Variants in IDH3A observed in about 807,000 individuals in gnomAD.
IDH3A encodes isocitrate dehydrogenase (NAD(+)) 3 catalytic subunit alpha.
Under a neutral mutation model 43.3 loss-of-function variants are expected in IDH3A, and 23 were observed. The ratio of observed to expected loss-of-function variants is 0.53; its 90% CI spans 0.38 to 0.75. IDH3A has a LOEUF of 0.75. Ranked by LOEUF, IDH3A falls within the 30% of genes least tolerant of loss-of-function variation. The pLI is 0.00. For missense variants in IDH3A, 329 were observed against 474.4 expected (o/e 0.69, Z 2.85); for synonymous variants, 154 against 163.5 (o/e 0.94, Z 0.44).
rs2074635716 is a variant in IDH3A, at chr15:78,157,642, T to C, written c.174+11T>C. ...TTTGATGCTGCCAAAGTAAGTGGGCTTAAAAAATACATTTAATGATGACTC... is the reference window on the plus strand; with the variant it reads ...TTTGATGCTGCCAAAGTAAGTGGGCCTAAAAAATACATTTAATGATGACTC... On this transcript the variant is annotated intron_variant, in intron 3 of 10. Transcript: ENST00000299518. 1 of 1,592,196 alleles carries C rather than the reference T, an allele frequency of 6.3e-7. No individual in the cohort carries two copies. Among genetic ancestry groups the C allele is most frequent in the South Asian group, 1.1e-5 (1 of 89,492 alleles).
chr15:78,171,706 T>G lies in IDH3A; in HGVS notation c.*2701T>G. 1.8e-6 allele frequency: 1 copy of G among 566,358 alleles called. No homozygotes were observed. The highest frequency in any genetic ancestry group is 3.2e-6 in the Non-Finnish European group (1 of 314,446). 35.1% of individuals were successfully genotyped at this position (566,358 alleles called of 1,614,324 possible). A position where few individuals can be genotyped will look rare whatever the true frequency, so the allele number is the denominator to read the frequency against. ...GCTCCTGGTATTCATATGGCTTGTG[T>G]GTAGTCTCCTGTGTTATACCACTGG... On this transcript the variant is annotated 3_prime_UTR_variant, in exon 11 of 11. Transcript: ENST00000299518.
At chr15:78,163,450 G>T in intron 6 of IDH3A, 57 bp from the exon 7 acceptor site, 1 of 1,239,402 alleles carries the variant, frequency 8.1e-7, no homozygotes, top group Non-Finnish European at 1.2e-6. Flanking sequence ...TCTTTGATTT[G>T]ATTCTTTTCT....
chr15:78,149,387 A>G lies in IDH3A; in HGVS notation c.-17A>G, dbSNP rs1038203874. ...ACTGCCGCTGCGGCTGTTGCTGCGG[A>G]GCCAGGAGGGGAAGCGATGGCTGGG... On this transcript the variant is annotated 5_prime_UTR_variant, in exon 1 of 11. Coordinates refer to ENST00000299518, the MANE Select transcript of IDH3A (RefSeq NM_005530.3). The G allele has an allele frequency of 6.5e-7, 1 of 1,539,936 alleles. No individual in the cohort carries two copies. The highest frequency in any genetic ancestry group is 8.7e-7 in the Non-Finnish European group (1 of 1,150,480).
intron 10 of IDH3A, 41 bp downstream of exon 10, chr15:78,166,343 T>G: frequency 6.3e-7 from 1 of 1,595,514 alleles, no homozygotes; most frequent in Non-Finnish European, 8.6e-7. Flanking sequence ...GTAAAATGCA[T>G]TGCTTCCATG....
At chr15:78,158,448 CATAT>C (rs1555429599) in intron 3 of IDH3A, among the ~76,000 whole-genome samples, 4 of 28,238 alleles carry the variant, frequency 1.4e-4, no homozygotes, top group Non-Finnish European at 1.8e-4. Context: ...TACATACATA[CATAT>C]ATATATATAT....
intron 8 of IDH3A, 141 bp from the exon 9 acceptor site, chr15:78,164,851 A>G: frequency 1.5e-6 from 1 of 650,600 alleles, no homozygotes; most frequent in Non-Finnish European, 2.7e-6. Flanking sequence ...TATTTTCCTA[A>G]CCTTTGCCCT....
At chr15:78,166,534 T>C (rs1489296348) in intron 10 of IDH3A, 3 of 526,030 alleles carry the variant, frequency 5.7e-6, no homozygotes, top group African/African-American at 3.8e-5. Flanking sequence ...GCAGCACTGA[T>C]GTATAGACAT....
rs372950002 is a variant in IDH3A at position 78,166,275 on chromosome 15, G to A, written c.990G>A (p.Ala330=). The change falls in exon 10 of 11, where the codon GCG becomes GCA. Residue 330 remains alanine (A), a synonymous_variant. Coordinates refer to ENST00000299518, the MANE Select transcript of IDH3A (RefSeq NM_005530.3). The part of the protein sequence containing the change: ...LFDHAARIEA[A]CFATIKDGKS... ...ACCATGCTGCAAGAATTGAGGCTGC[G>A]TGTTTTGCTACAATTAAGGACGGAA... 216 of 1,614,200 alleles carry A rather than the reference G, an allele frequency of 1.3e-4. 1 individual carries two copies. In the South Asian group the frequency reaches 2.2e-3, roughly 17 times the overall value.
rs1304446460 is a variant in IDH3A, at chr15:78,159,693, T to C, written c.175-399T>C. On this transcript the variant is annotated intron_variant, in intron 3 of 10. Coordinates refer to ENST00000299518, the MANE Select transcript of IDH3A (RefSeq NM_005530.3). Reference sequence around the variant, plus strand: ...ACCTTTACTGTTTTTAGCAGTCACATCCAAAGTTGAAAAAGGGCTGGGCCC... The same window carrying C: ...ACCTTTACTGTTTTTAGCAGTCACACCCAAAGTTGAAAAAGGGCTGGGCCC... 2.0e-5 allele frequency among the ~76,000 whole-genome samples: 3 copies of C among 152,200 alleles called. No individual in the cohort carries two copies. The East Asian group carries it at 5.8e-4, about 29-fold the overall frequency.
chr15:78,165,120 G>A (rs752463901), intron 9 of IDH3A, 44 bp downstream of exon 9: 60 of 1,207,566 alleles, frequency 5.0e-5, no homozygotes, highest in Non-Finnish European at 4.3e-5. Context: ...TCAGAACAGC[G>A]TGTGAACTCA....
intron 2 of IDH3A, chr15:78,155,815 C>A (rs2074618837): frequency 6.6e-6 from 1 of 152,440 alleles, no homozygotes. Flanking sequence ...GAATTCCCAG[C>A]ATCAGAATTC....
intron 10 of IDH3A, among the ~76,000 whole-genome samples, chr15:78,166,776 C>G (rs1301242381): frequency 6.6e-6 from 1 of 152,130 alleles, no homozygotes. Flanking sequence ...GGATTACAGG[C>G]GTGTGCCACC....
intron 1 of IDH3A, 144 bp from the exon 2 acceptor site, chr15:78,155,069 A>C (rs1314737759): frequency 2.0e-6 from 1 of 506,132 alleles, no homozygotes; most frequent in Non-Finnish European, 3.5e-6. Context: ...CATTGAGCTA[A>C]TACATGAGAT....
intron 1 of IDH3A, among the ~76,000 whole-genome samples, chr15:78,151,911 T>C (rs1203274966): frequency 6.6e-6 from 1 of 151,894 alleles, no homozygotes. Flanking sequence ...ACATTTAAAA[T>C]TTTTTTTGTA....
chr15:78,165,232 C>CCCA (rs2074726325), intron 9 of IDH3A, among the ~76,000 whole-genome samples, 156 bp downstream of exon 9: 1 of 151,730 alleles, frequency 6.6e-6, no homozygotes, highest in African/African-American at 2.4e-5. Flanking sequence ...CGCTCTGTCA[C>CCCA]CCACGCTGGA....
At chr15:78,168,726 C>G (rs1325673071) in intron 10 of IDH3A, 196 bp from the exon 11 acceptor site, 1 of 517,078 alleles carries the variant, frequency 1.9e-6, no homozygotes, top group Non-Finnish European at 3.5e-6. Context: ...CTGTTGTATA[C>G]ACTATGAGAT....
chr15:78,158,170 GAAA>G (rs1200326282), intron 3 of IDH3A, among the ~76,000 whole-genome samples: 2 of 151,974 alleles, frequency 1.3e-5, no homozygotes, highest in Non-Finnish European at 2.9e-5. Context: ...AGGCGCTTTT[GAAA>G]TAATCTCTTT....
At position 78,157,457 on chromosome 15, in the gene IDH3A, C is replaced by G. The variant is rs1000996110; in HGVS notation, c.91-91C>G. On this transcript the variant is annotated intron_variant, in intron 2 of 10. Coordinates refer to ENST00000299518, the MANE Select transcript of IDH3A (RefSeq NM_005530.3). ...GCATTTGAATCTTCCTGAGACATCT[C>G]ATAAAGTGGATTTCTCTGTCAAAAT... 1.0e-5 allele frequency: 9 copies of G among 879,984 alleles called. No homozygotes were observed. The African/African-American group carries it at 1.2e-4, about 12-fold the overall frequency. 54.5% of individuals were successfully genotyped at this position (879,984 alleles called of 1,614,324 possible).
At chr15:78,166,334 T>C in intron 10 of IDH3A, 32 bp downstream of exon 10, 1 of 1,604,332 alleles carries the variant, frequency 6.2e-7, no homozygotes, top group Non-Finnish European at 8.5e-7. Context: ...TTGTGCTGGG[T>C]AAAATGCATT....
Sources: allele counts gnomAD v4.1 joint callset (sites outside exome capture counted in the v4.1 genomes callset), GRCh38; gene constraint gnomAD v4.1.1; transcripts MANE v1.5; gene names NCBI Gene and HGNC (gene_info 2026-07-23, HGNC 2026-07-21).